The following GABARAPL1 variants were observed in gnomAD, a reference collection of about 807,000 sequenced individuals.
GABARAPL1 encodes GABA type A receptor associated protein like 1.
In GABARAPL1, 4 loss-of-function variants were observed where a neutral mutation model predicts 14.5. The observed-to-expected ratio is 0.28, with a 90% CI of 0.14 to 0.63. The LOEUF (loss-of-function observed/expected upper bound fraction) is 0.63. GABARAPL1 is among the 30% of genes least tolerant of loss of function. The pLI is 0.84. For synonymous variants in GABARAPL1, 47 were observed against 50.6 expected (o/e 0.93, Z 0.30); for missense variants, 82 against 139.2 (o/e 0.59, Z 2.07).
At chr12:10,221,579 G>A (rs1290800401) in intron 3 of GABARAPL1, 1 of 469,918 alleles carries the variant, frequency 2.1e-6, no homozygotes, top group Non-Finnish European at 2.8e-6. Context: ...TGATACCTAT[G>A]TGTAATATGT....
chr12:10,215,295 T>C (rs1175427104), intron 1 of GABARAPL1, among the ~76,000 whole-genome samples: 1 of 152,200 alleles, frequency 6.6e-6, no homozygotes, highest in African/African-American at 2.4e-5. Context: ...GCCCCACCAA[T>C]ATTTCTTCAG....
At chr12:10,218,209 T>A in intron 2 of GABARAPL1, 68 bp downstream of exon 2, 1 of 857,804 alleles carries the variant, frequency 1.2e-6, no homozygotes, top group Non-Finnish European at 2.0e-6. Context: ...ATTACATGCA[T>A]GAGATTGTGA....
At chr12:10,213,484 ACCCACACACGGT>A (rs1299647230) in intron 1 of GABARAPL1, 10 of 468,470 alleles carry the variant, frequency 2.1e-5, no homozygotes, top group Non-Finnish European at 4.0e-5. Context: ...TGACTCAGCA[ACCCACACACGGT>A]CTCAGCAGCT....
At chr12:10,221,684 A>G in intron 3 of GABARAPL1, 103 bp from the exon 4 acceptor site, 1 of 1,327,198 alleles carries the variant, frequency 7.5e-7, no homozygotes, top group Non-Finnish European at 1.1e-6. Context: ...ATGGGGACTA[A>G]TGATACCTTC....
chr12:10,215,057 G>A (rs1949080309), intron 1 of GABARAPL1, among the ~76,000 whole-genome samples: 1 of 152,122 alleles, frequency 6.6e-6, no homozygotes, highest in African/African-American at 2.4e-5. Flanking sequence ...CTGCTCCCAA[G>A]GTGACCAGTC....
chr12:10,221,254 AT>A, intron 3 of GABARAPL1: 1 of 976,758 alleles, frequency 1.0e-6, no homozygotes, highest in Non-Finnish European at 1.2e-6. Flanking sequence ...AGGAGGAATA[AT>A]TTTTATGTGA....
intron 3 of GABARAPL1, 140 bp downstream of exon 3, chr12:10,220,698 G>A (rs1169345799): frequency 1.3e-6 from 2 of 1,543,068 alleles, no homozygotes; most frequent in East Asian, 4.9e-5. Flanking sequence ...ACATATGGCA[G>A]TGTAAGGCTC....
chr12:10,220,778 G>T, intron 3 of GABARAPL1: 1 of 1,478,400 alleles, frequency 6.8e-7, no homozygotes, highest in Non-Finnish European at 9.0e-7. Flanking sequence ...CTGAAATCTT[G>T]TCTGACTATA....
Position 10,220,495 on chromosome 12 carries a change from C to T in GABARAPL1, c.225C>T (p.Ala75=), listed in dbSNP as rs766370524. The change falls in exon 3 of 4, where the codon GCC becomes GCT. Residue 75 remains alanine, a synonymous_variant. Transcript: ENST00000266458. ...GAATCCACCTGAGACCTGAGGACGC[C>T]TTATTCTTCTTTGTCAACAACACCA... The part of the protein sequence containing the change: ...RKRIHLRPED[A]LFFFVNNTIP... 9 of 1,613,722 alleles carry T rather than the reference C, an allele frequency of 5.6e-6. No individual in the cohort carries two copies. The South Asian group carries it at 9.9e-5, about 18-fold the overall frequency.
rs554590158 is a variant in GABARAPL1 at position 10,213,066 on chromosome 12, G to T, written c.-64G>T. The T allele has an allele frequency of 3.0e-6, 3 of 994,226 alleles. No individual in the cohort carries two copies. The highest frequency in any genetic ancestry group is 3.1e-6 in the Non-Finnish European group (2 of 636,246). The allele number at this position is 994,226 out of a possible 1,614,324, so 61.6% of individuals were successfully genotyped here. ...CACCTTGACGTCGGCTGAGGGAGCG[G>T]GACAGGGTCAGCGGCGAAGGAGGCA... On this transcript the variant is annotated 5_prime_UTR_variant, in exon 1 of 4. Transcript: ENST00000266458.
intron 1 of GABARAPL1, among the ~76,000 whole-genome samples, chr12:10,215,769 ACGTT>A (rs1187054946): frequency 6.6e-6 from 1 of 152,124 alleles, no homozygotes; most frequent in Non-Finnish European, 1.5e-5. Context: ...TTCCTGGCTT[ACGTT>A]ACCCTATTTC....
intron 3 of GABARAPL1, chr12:10,221,156 C>T: frequency 1.0e-6 from 1 of 978,536 alleles, no homozygotes; most frequent in Non-Finnish European, 1.2e-6. Context: ...ACAGATTCCA[C>T]ATTATCTGGG....
intron 1 of GABARAPL1, among the ~76,000 whole-genome samples, chr12:10,216,066 C>T (rs1460130344): frequency 2.6e-5 from 4 of 151,924 alleles, no homozygotes; most frequent in African/African-American, 4.8e-5. Flanking sequence ...TTGTTAAAGA[C>T]GTGTTAGAAA....
chr12:10,216,075 A>G (rs1462885859), intron 1 of GABARAPL1, among the ~76,000 whole-genome samples: 1 of 152,142 alleles, frequency 6.6e-6, no homozygotes, highest in African/African-American at 2.4e-5. Flanking sequence ...ACGTGTTAGA[A>G]AGTTTTCTTT....
At chr12:10,220,695 GC>G (rs755407698) in intron 3 of GABARAPL1, 137 bp downstream of exon 3, 1 of 1,542,934 alleles carries the variant, frequency 6.5e-7, no homozygotes, top group South Asian at 1.2e-5. Flanking sequence ...CTTACATATG[GC>G]AGTGTAAGGC....
At chr12:10,220,388 A>G in intron 2 of GABARAPL1, 52 bp from the exon 3 acceptor site, 5 of 1,609,758 alleles carry the variant, frequency 3.1e-6, no homozygotes, top group Non-Finnish European at 4.2e-6. Flanking sequence ...CCTTCTACTA[A>G]TTCCTTGTTT....
intron 1 of GABARAPL1, among the ~76,000 whole-genome samples, chr12:10,216,198 C>T (rs1949087294): frequency 6.6e-6 from 1 of 151,832 alleles, no homozygotes; most frequent in African/African-American, 2.4e-5. Flanking sequence ...GGTGAAACCC[C>T]ATCTCTACTA....
At position 10,221,269 on chromosome 12, in the gene GABARAPL1, G is replaced by A. The variant is rs530599600; in HGVS notation, c.289-518G>A. 12 of 970,746 alleles carry A rather than the reference G, an allele frequency of 1.2e-5. No individual in the cohort carries two copies. In the South Asian group the frequency reaches 3.8e-4, roughly 31 times the overall value. The allele number at this position is 970,746 out of a possible 1,614,324, so 60.1% of individuals were successfully genotyped here. A position where few individuals can be genotyped will look rare whatever the true frequency, so the allele number is the denominator to read the frequency against. ...AGGAGGAATAATTTTTATGTGATGT[G>A]GTTTAATTGGAAGTGTCAGAATCTG... On this transcript the variant is annotated intron_variant, in intron 3 of 3. Coordinates refer to ENST00000266458, the MANE Select transcript of GABARAPL1 (RefSeq NM_031412.4).
chr12:10,213,430 C>T (rs1431032308), intron 1 of GABARAPL1: 6 of 621,204 alleles, frequency 9.7e-6, no homozygotes, highest in Non-Finnish European at 1.8e-5. Context: ...CCGAACCCCA[C>T]TTCAGGGCTG....
Sources: allele counts gnomAD v4.1 joint callset (sites outside exome capture counted in the v4.1 genomes callset), GRCh38; gene constraint gnomAD v4.1.1; transcripts MANE v1.5; gene names NCBI Gene and HGNC (gene_info 2026-07-23, HGNC 2026-07-21).